ACAD11: variants seen among roughly 807,000 people sequenced by gnomAD.
ACAD11 encodes the protein acyl-Coenzyme A dehydrogenase family, member 11.
Under a neutral mutation model 102.2 loss-of-function variants are expected in ACAD11, and 83 were observed. That is an observed-to-expected ratio of 0.81 (90% confidence interval 0.68 to 0.97). The LOEUF (loss-of-function observed/expected upper bound fraction) is 0.97. Among genes scored for constraint, ACAD11 ranks in the 50% least tolerant of loss-of-function variants. The probability of loss-of-function intolerance (pLI) is 0.00; values close to 1 mark genes in which losing one functional copy is unlikely to be tolerated. For synonymous variants in ACAD11, 324 were observed against 319.8 expected (o/e 1.01, Z -0.14); for missense variants, 901 against 951.7 (o/e 0.95, Z 0.70).
intron 9 of ACAD11, among the ~76,000 whole-genome samples, chr3:132,619,758 T>C (rs1282801361): frequency 6.6e-6 from 1 of 152,230 alleles, no homozygotes; most frequent in Non-Finnish European, 1.5e-5. Context: ...TAAAATCTTA[T>C]ACCAAGATTT....
intron 13 of ACAD11, chr3:132,600,835 C>A (rs368139353): frequency 6.2e-7 from 1 of 1,613,896 alleles, no homozygotes; most frequent in Non-Finnish European, 8.5e-7. Flanking sequence ...AAGTCCCCAG[C>A]CAATCAGGAG....
rs147916487 is a variant in ACAD11 at position 132,591,502 on chromosome 3, C to A, written c.1621+11727G>T. On this transcript the variant is annotated intron_variant, in intron 13 of 19. Transcript: ENST00000264990. The stretch of plus-strand genomic sequence containing the variant: ...AGTAAAATCTTCTAATTCCTTTGAA[C>A]CCTGGTCTAAAGCCCTCTTTTTCGA... Among the ~76,000 whole-genome samples, 91 of 152,256 alleles carry A rather than the reference C, an allele frequency of 6.0e-4. 1 individual carries two copies. The highest frequency in any genetic ancestry group is 1.6e-3 in the African/African-American group (68 of 41,556).
chr3:132,563,024 G>A (rs1937107713), intron 17 of ACAD11, among the ~76,000 whole-genome samples: 2 of 152,176 alleles, frequency 1.3e-5, no homozygotes, highest in Non-Finnish European at 2.9e-5. Context: ...TTTAGATCAA[G>A]GGTCCCTCTT....
intron 13 of ACAD11, 90 bp from the exon 14 acceptor site, chr3:132,579,648 T>G (rs1033469393): frequency 2.0e-5 from 20 of 993,584 alleles, no homozygotes; most frequent in African/African-American, 4.9e-5. Context: ...CCACTTTACC[T>G]ATGTCAGAAA....
intron 11 of ACAD11, among the ~76,000 whole-genome samples, chr3:132,610,375 A>T (rs1035762687): frequency 5.3e-5 from 8 of 152,334 alleles, no homozygotes; most frequent in African/African-American, 1.7e-4. Flanking sequence ...CTAAGATCAG[A>T]GCAGAACTGA....
chr3:132,657,236 T>G (rs1383036644), intron 1 of ACAD11, among the ~76,000 whole-genome samples: 1 of 152,212 alleles, frequency 6.6e-6, no homozygotes, highest in Non-Finnish European at 1.5e-5. Flanking sequence ...AAAGTTCTTC[T>G]TTTCCCCCCA....
At chr3:132,579,316 T>C in intron 14 of ACAD11, 176 bp downstream of exon 14, 2 of 643,228 alleles carry the variant, frequency 3.1e-6, no homozygotes, top group Non-Finnish European at 5.2e-6. Flanking sequence ...CTCCCTATAA[T>C]GTTTTCCAAA....
intron 15 of ACAD11, chr3:132,578,515 T>C (rs1479094313): frequency 6.4e-6 from 1 of 155,816 alleles, no homozygotes. Flanking sequence ...AGACTGGTAG[T>C]GTTGCTCTTC....
chr3:132,599,073 G>C (rs942624090), intron 13 of ACAD11, among the ~76,000 whole-genome samples: 4 of 152,150 alleles, frequency 2.6e-5, no homozygotes, highest in African/African-American at 9.7e-5. Context: ...AACTCTTTGC[G>C]AGGCCAAGGC....
rs551037149 is a variant in ACAD11 at position 132,582,507 on chromosome 3, G to A, written c.1622-2949C>T. 3.9e-5 allele frequency among the ~76,000 whole-genome samples: 6 copies of A among 152,026 alleles called. No homozygotes were observed. In the South Asian group the frequency reaches 1.2e-3, roughly 32 times the overall value. On this transcript the variant is annotated intron_variant, in intron 13 of 19. Transcript: ENST00000264990. ...TGTAAACAAATCTGTGGATTCCCAA[G>A]TAGGAGACTGAGAGGCTTGTTGAGT... is the stretch of plus-strand genomic sequence containing the variant.
intron 13 of ACAD11, among the ~76,000 whole-genome samples, chr3:132,580,965 A>G (rs1302591155): frequency 6.6e-6 from 1 of 152,020 alleles, no homozygotes; most frequent in Admixed American, 6.6e-5. Flanking sequence ...GAGAAAACAG[A>G]GAAAAACAGA....
intron 13 of ACAD11, among the ~76,000 whole-genome samples, chr3:132,590,085 C>T (rs1938011915): frequency 1.3e-5 from 2 of 152,192 alleles, no homozygotes; most frequent in Admixed American, 1.3e-4. Flanking sequence ...ATATGTACCA[C>T]ATATTCTTTA....
intron 13 of ACAD11, among the ~76,000 whole-genome samples, chr3:132,582,140 TAAAA>T (rs1368692851): frequency 6.6e-6 from 1 of 150,834 alleles, no homozygotes; most frequent in Non-Finnish European, 1.5e-5. Context: ...GTTTAAAAAA[TAAAA>T]AAACAACAAA....
intron 1 of ACAD11, 27 bp downstream of exon 1, chr3:132,659,576 G>A: frequency 2.5e-6 from 4 of 1,606,200 alleles, no homozygotes; most frequent in Non-Finnish European, 3.4e-6. Context: ...ATTTTTTTCC[G>A]CTGGAGGCAA....
intron 11 of ACAD11, among the ~76,000 whole-genome samples, chr3:132,607,141 G>A (rs950379180): frequency 3.9e-5 from 6 of 152,094 alleles, no homozygotes; most frequent in African/African-American, 1.4e-4. Context: ...AAAGACCAAA[G>A]GTAGAAAAAT....
At chr3:132,659,368 T>G in intron 1 of ACAD11, 1 of 538,080 alleles carries the variant, frequency 1.9e-6, no homozygotes, top group Non-Finnish European at 3.2e-6. Flanking sequence ...CAAAGATTCC[T>G]TTGGATAGTA....
At chr3:132,626,993 T>C in intron 8 of ACAD11, 176 bp from the exon 9 acceptor site, 1 of 563,414 alleles carries the variant, frequency 1.8e-6, no homozygotes. Context: ...GCAGAATCAC[T>C]TCCATTTTAA....
At chr3:132,569,164 G>GA (rs1937306136) in intron 17 of ACAD11, among the ~76,000 whole-genome samples, 1 of 152,018 alleles carries the variant, frequency 6.6e-6, no homozygotes, top group Admixed American at 6.6e-5. Context: ...AAAAAAAAGT[G>GA]ATCTAGGACA....
chr3:132,632,318 C>G (rs941225253), intron 5 of ACAD11, among the ~76,000 whole-genome samples: 1 of 152,052 alleles, frequency 6.6e-6, no homozygotes, highest in Non-Finnish European at 1.5e-5. Flanking sequence ...ACCTCCTGAC[C>G]TCATGATCCG....
Sources: allele counts gnomAD v4.1 joint callset (sites outside exome capture counted in the v4.1 genomes callset), GRCh38; gene constraint gnomAD v4.1.1; transcripts MANE v1.5; gene names NCBI Gene and HGNC (gene_info 2026-07-23, HGNC 2026-07-21).